The following NR6A1 variants were observed in gnomAD, a reference collection of about 807,000 sequenced individuals.
NR6A1 encodes the protein retinoic acid receptor-related testis-associated receptor.
NR6A1 carries 7 observed loss-of-function variants against 59.1 expected under a neutral mutation model. The observed-to-expected ratio is 0.12, with a 90% CI of 0.07 to 0.22. NR6A1 has a LOEUF of 0.22. NR6A1 is among the 10% of genes least tolerant of loss of function. The pLI is 1.00. For missense variants in NR6A1, 468 were observed against 611.6 expected (o/e 0.77, Z 2.48); for synonymous variants, 243 against 236.1 (o/e 1.03, Z -0.27).
chr9:124,602,816 C>T (rs1361972284), intron 2 of NR6A1, among the ~76,000 whole-genome samples: 1 of 152,208 alleles, frequency 6.6e-6, no homozygotes, highest in Non-Finnish European at 1.5e-5. Flanking sequence ...AAGGCCCACA[C>T]TCCTAAGGCC....
intron 2 of NR6A1, chr9:124,693,618 A>G (rs112759521): frequency 2.1e-6 from 1 of 468,884 alleles, no homozygotes; most frequent in South Asian, 1.6e-5. Context: ...CTAAGGGAGA[A>G]GCCAGACACA....
At chr9:124,747,761 C>T (rs1227673112) in intron 1 of NR6A1, among the ~76,000 whole-genome samples, 1 of 152,124 alleles carries the variant, frequency 6.6e-6, no homozygotes, top group Non-Finnish European at 1.5e-5. Context: ...TCCCAACAGT[C>T]CCCTCGAATA....
chr9:124,706,028 G>A (rs529938768), intron 2 of NR6A1, among the ~76,000 whole-genome samples: 6 of 152,172 alleles, frequency 3.9e-5, no homozygotes, highest in East Asian at 3.9e-4. Flanking sequence ...CACCTGCCTC[G>A]GCCTCCCAAA....
rs552093198 is a variant in NR6A1, at chr9:124,682,033, T to C, written c.142+51275A>G. Among the ~76,000 whole-genome samples, 90 of 152,134 alleles carry C rather than the reference T, an allele frequency of 5.9e-4. 1 individual carries two copies. The South Asian group carries it at 0.018, about 31-fold the overall frequency. Reference sequence around the variant, plus strand: ...TTTTGAGAGGGAGTTTTGCTCTTGTTGCCCAGGCTGGAGTGCAATGACATG... The same window carrying C: ...TTTTGAGAGGGAGTTTTGCTCTTGTCGCCCAGGCTGGAGTGCAATGACATG... On this transcript the variant is annotated intron_variant, in intron 2 of 9. Coordinates refer to ENST00000487099, the MANE Select transcript of NR6A1 (RefSeq NM_033334.4).
intron 2 of NR6A1, among the ~76,000 whole-genome samples, chr9:124,731,243 G>A (rs568402901): frequency 1.8e-3 from 277 of 152,070 alleles, no homozygotes; most frequent in Middle Eastern, 3.4e-3. Context: ...GGTTGCGCAC[G>A]CCTGTAGTCC....
At chr9:124,575,444 C>T (rs560442841) in intron 2 of NR6A1, among the ~76,000 whole-genome samples, 26 of 152,116 alleles carry the variant, frequency 1.7e-4, no homozygotes, top group African/African-American at 4.6e-4. Flanking sequence ...CATGGTGGCA[C>T]GCGCCTGTAG....
At chr9:124,606,434 T>C (rs1299332802) in intron 2 of NR6A1, among the ~76,000 whole-genome samples, 2 of 152,060 alleles carry the variant, frequency 1.3e-5, no homozygotes, top group Non-Finnish European at 2.9e-5. Flanking sequence ...AAATGGGTAC[T>C]TGATATATGT....
intron 2 of NR6A1, among the ~76,000 whole-genome samples, chr9:124,679,181 G>A (rs1838048592): frequency 6.6e-6 from 1 of 152,154 alleles, no homozygotes; most frequent in Admixed American, 6.6e-5. Flanking sequence ...TGTTACTCTT[G>A]AAGTTAATCT....
chr9:124,759,197 C>T (rs1840720549), intron 1 of NR6A1, among the ~76,000 whole-genome samples: 1 of 152,122 alleles, frequency 6.6e-6, no homozygotes, highest in African/African-American at 2.4e-5. Context: ...TTTTGGACAC[C>T]TAGCTCTTAT....
At chr9:124,671,847 A>G (rs1837803098) in intron 2 of NR6A1, among the ~76,000 whole-genome samples, 2 of 152,350 alleles carry the variant, frequency 1.3e-5, no homozygotes, top group South Asian at 4.1e-4. Context: ...AATACAGTAA[A>G]GTGCACACAT....
intron 2 of NR6A1, among the ~76,000 whole-genome samples, chr9:124,576,882 C>T (rs950393217): frequency 1.3e-5 from 2 of 151,994 alleles, no homozygotes; most frequent in African/African-American, 2.4e-5. Flanking sequence ...CATAGGGAGA[C>T]GCCATCTCTA....
At chr9:124,656,999 C>G (rs1031900655) in intron 2 of NR6A1, among the ~76,000 whole-genome samples, 5 of 151,826 alleles carry the variant, frequency 3.3e-5, no homozygotes, top group African/African-American at 1.2e-4. Flanking sequence ...GGCTGCAAAA[C>G]AACGTGAATG....
intron 2 of NR6A1, among the ~76,000 whole-genome samples, chr9:124,569,792 A>G (rs1301232975): frequency 6.6e-6 from 1 of 152,220 alleles, no homozygotes; most frequent in African/African-American, 2.4e-5. Context: ...CTGTTCCTCT[A>G]TTTACATACC....
intron 2 of NR6A1, among the ~76,000 whole-genome samples, chr9:124,647,252 T>C (rs1836955099): frequency 6.6e-6 from 1 of 151,950 alleles, no homozygotes; most frequent in Non-Finnish European, 1.5e-5. Flanking sequence ...ATTGACCAAT[T>C]GTTAGCTAGA....
At chr9:124,560,553 A>G (rs1268067145) in intron 2 of NR6A1, among the ~76,000 whole-genome samples, 3 of 152,016 alleles carry the variant, frequency 2.0e-5, no homozygotes, top group African/African-American at 4.8e-5. Context: ...TAGTTATTCA[A>G]TTGGTTTTGT....
At chr9:124,639,456 C>T (rs1469951118) in intron 2 of NR6A1, among the ~76,000 whole-genome samples, 1 of 152,208 alleles carries the variant, frequency 6.6e-6, no homozygotes, top group Non-Finnish European at 1.5e-5. Context: ...AGGCCAAAGA[C>T]TAAATGAGGC....
chr9:124,583,432 T>C (rs1834830144), intron 2 of NR6A1, among the ~76,000 whole-genome samples: 1 of 152,172 alleles, frequency 6.6e-6, no homozygotes, highest in Admixed American at 6.5e-5. Flanking sequence ...TTTCTTGAAG[T>C]GTTAAACCTC....
intron 2 of NR6A1, among the ~76,000 whole-genome samples, chr9:124,682,474 A>AT (rs1393880766): frequency 6.6e-6 from 1 of 152,226 alleles, no homozygotes; most frequent in Non-Finnish European, 1.5e-5. Context: ...ATATGCAGAT[A>AT]TGAGAATTCA....
At chr9:124,581,178 T>C (rs1478613854) in intron 2 of NR6A1, among the ~76,000 whole-genome samples, 1 of 152,052 alleles carries the variant, frequency 6.6e-6, no homozygotes, top group Non-Finnish European at 1.5e-5. Context: ...ACCTAGGCAA[T>C]ACCATCAGTA....
Sources: gnomAD v4.1 joint callset for allele counts (sites outside exome capture counted in the v4.1 genomes callset) on GRCh38, gnomAD v4.1.1 for gene constraint, MANE v1.5 for transcripts, NCBI Gene and HGNC (gene_info 2026-07-23, HGNC 2026-07-21) for gene names.